The following FAM133B variants were observed in gnomAD, a reference collection of about 807,000 sequenced individuals.
FAM133B encodes protein FAM133B.
Under a neutral mutation model 46.4 loss-of-function variants are expected in FAM133B, and 25 were observed. The observed-to-expected ratio is 0.54, with a 90% CI of 0.39 to 0.75. The LOEUF is 0.75. Ranked by LOEUF, FAM133B falls within the 30% of genes least tolerant of loss-of-function variation. FAM133B has a pLI of 0.00. For missense variants in FAM133B, 205 were observed against 277.6 expected (o/e 0.74, Z 1.86); for synonymous variants, 75 against 86.0 (o/e 0.87, Z 0.71).
Position 92,577,681 on chromosome 7 carries a change from TG to T in FAM133B, c.345del (p.Ser116AlafsTer43). On this transcript the variant is annotated frameshift_variant, in exon 6 of 11. Transcript: ENST00000445716. LOFTEE classifies it high-confidence loss of function. ...TCATCTTCAGAATCAGAAGAACTGC[TG>T]GAAGAATCAGAGCTTGATGAAGAAG... ...SSSSSSSSDS[S>X]SSSSDSEDED... The T allele has an allele frequency of 6.3e-7, 1 of 1,585,976 alleles. No individual in the cohort carries two copies.
intron 1 of FAM133B, among the ~76,000 whole-genome samples, chr7:92,588,713 G>C (rs1795104029): frequency 6.6e-6 from 1 of 152,156 alleles, no homozygotes; most frequent in African/African-American, 2.4e-5. Flanking sequence ...GGATCATGGG[G>C]GCGGAGTTCT....
At chr7:92,572,126 A>G (rs547362383) in intron 8 of FAM133B, among the ~76,000 whole-genome samples, 18 of 152,332 alleles carry the variant, frequency 1.2e-4, no homozygotes, top group African/African-American at 3.4e-4. Context: ...AAGAGACGCC[A>G]TGGACCAGAA....
chr7:92,573,819 T>C (rs1794610087), intron 8 of FAM133B, among the ~76,000 whole-genome samples: 1 of 152,086 alleles, frequency 6.6e-6, no homozygotes, highest in African/African-American at 2.4e-5. Context: ...TAAATTATCC[T>C]TGAATTCTTG....
At chr7:92,572,764 G>A (rs957371515) in intron 8 of FAM133B, among the ~76,000 whole-genome samples, 1 of 152,020 alleles carries the variant, frequency 6.6e-6, no homozygotes, top group Non-Finnish European at 1.5e-5. Flanking sequence ...AAGAAGAAAT[G>A]GGTAAGAAAT....
chr7:92,578,105 G>T (rs769305410), intron 5 of FAM133B, 45 bp downstream of exon 5: 25 of 1,511,356 alleles, frequency 1.7e-5, no homozygotes, highest in Admixed American at 1.3e-4. Flanking sequence ...TTTTTTTGTT[G>T]GCTCTTAATT....
At chr7:92,574,331 T>C (rs1048468102) in intron 8 of FAM133B, among the ~76,000 whole-genome samples, 5 of 152,234 alleles carry the variant, frequency 3.3e-5, no homozygotes, top group African/African-American at 9.6e-5. Flanking sequence ...AGGTCGCATA[T>C]TGTATGACTG....
intron 7 of FAM133B, among the ~76,000 whole-genome samples, chr7:92,576,437 CAGA>C (rs1712048769): frequency 1.3e-5 from 2 of 150,432 alleles, no homozygotes; most frequent in South Asian, 4.1e-4. Context: ...GGTATTTTGC[CAGA>C]AGATCTCTCA....
intron 10 of FAM133B, among the ~76,000 whole-genome samples, chr7:92,564,679 C>T (rs550334413): frequency 5.9e-5 from 9 of 152,170 alleles, no homozygotes; most frequent in Non-Finnish European, 1.3e-4. Flanking sequence ...CTGAAACCTA[C>T]AAATGATGAT....
Position 92,566,038 on chromosome 7 carries a change from G to A in FAM133B, c.633C>T (p.Ser211=). ...IEEVRAKKKK[S]SEEREKATEK... ...CTGTTGCTTTTTCTCGTTCTTCACT[G>A]CTTTTCTTCTTTTTTGCTCGCACCT... Residue 211 remains serine, a synonymous_variant, in exon 10 of 11, where the codon AGC becomes AGT. Coordinates refer to ENST00000445716, the MANE Select transcript of FAM133B (RefSeq NM_152789.4). 6.2e-7 allele frequency: 1 copy of A among 1,613,726 alleles called. No individual in the cohort carries two copies. Among genetic ancestry groups the A allele is most frequent in the Non-Finnish European group, 8.5e-7 (1 of 1,179,830 alleles).
At chr7:92,583,951 G>A (rs1383407232) in intron 1 of FAM133B, among the ~76,000 whole-genome samples, 1 of 148,386 alleles carries the variant, frequency 6.7e-6, no homozygotes, top group Admixed American at 6.8e-5. Flanking sequence ...TCAGGAGGCT[G>A]AGGCAGGAAA....
chr7:92,578,826 G>C (rs1794778474), intron 3 of FAM133B, among the ~76,000 whole-genome samples: 1 of 151,996 alleles, frequency 6.6e-6, no homozygotes, highest in South Asian at 2.1e-4. Context: ...TGGGAAGATC[G>C]CTTGAGCTCA....
chr7:92,585,276 A>C (rs982416669), intron 1 of FAM133B: 70 of 694,016 alleles, frequency 1.0e-4, no homozygotes, highest in Non-Finnish European at 1.2e-4. Flanking sequence ...AAGTTCTAGA[A>C]TCTTTTTCTT....
chr7:92,585,787 T>A (rs763769968), intron 1 of FAM133B, among the ~76,000 whole-genome samples: 4 of 151,882 alleles, frequency 2.6e-5, no homozygotes, highest in Non-Finnish European at 4.4e-5. Flanking sequence ...AGAAAAAAAT[T>A]TTAAATAATG....
At chr7:92,578,561 C>G (rs1441360935) in intron 3 of FAM133B, among the ~76,000 whole-genome samples, 168 bp from the exon 4 acceptor site, 1 of 152,168 alleles carries the variant, frequency 6.6e-6, no homozygotes, top group Non-Finnish European at 1.5e-5. Flanking sequence ...GACCCTATCA[C>G]CAAAGGACCC....
intron 9 of FAM133B, among the ~76,000 whole-genome samples, chr7:92,567,866 C>T (rs913008350): frequency 2.0e-5 from 3 of 151,736 alleles, no homozygotes; most frequent in African/African-American, 4.8e-5. Flanking sequence ...CCGGTTCAAG[C>T]GATTCTCCTG....
intron 1 of FAM133B, among the ~76,000 whole-genome samples, chr7:92,583,158 C>T (rs1794937745): frequency 6.6e-6 from 1 of 152,080 alleles, no homozygotes. Flanking sequence ...AAAAAGAATG[C>T]AATTCTGATA....
chr7:92,578,215 G>C lies in FAM133B; in HGVS notation c.277-33C>G, dbSNP rs781745232. ...GAAACAAAAGTACAAGTCTAAATAA[G>C]CTGATGTGAGTTTGCAAATGCATCT... On this transcript the variant is annotated intron_variant, in intron 4 of 10. Coordinates refer to ENST00000445716, the MANE Select transcript of FAM133B (RefSeq NM_152789.4). 1.9e-6 allele frequency: 3 copies of C among 1,609,732 alleles called. No individual in the cohort carries two copies. In the South Asian group the frequency reaches 3.3e-5, roughly 18 times the overall value.
intron 1 of FAM133B, among the ~76,000 whole-genome samples, chr7:92,583,494 C>T (rs1794948155): frequency 6.6e-6 from 1 of 152,060 alleles, no homozygotes; most frequent in Non-Finnish European, 1.5e-5. Context: ...AAAACATCTG[C>T]AAAAATTTAA....
chr7:92,582,524 A>G (rs1794917690), intron 1 of FAM133B, among the ~76,000 whole-genome samples: 1 of 152,180 alleles, frequency 6.6e-6, no homozygotes. Flanking sequence ...TTGTGCATCA[A>G]AGGACACTGT....
Sources: gnomAD v4.1 joint callset for allele counts (sites outside exome capture counted in the v4.1 genomes callset) on GRCh38, gnomAD v4.1.1 for gene constraint, MANE v1.5 for transcripts, NCBI Gene and HGNC (gene_info 2026-07-23, HGNC 2026-07-21) for gene names.